The following TTLL11 variants were observed in gnomAD, a reference collection of about 807,000 sequenced individuals.
TTLL11 encodes the protein tubulin tyrosine ligase like 11, also known as tubulin polyglutamylase TTLL11.
In TTLL11, 42 loss-of-function variants were observed where a neutral mutation model predicts 51.7. That is an observed-to-expected ratio of 0.81 (90% CI 0.64 to 1.05). The LOEUF (loss-of-function observed/expected upper bound fraction) is 1.05, where lower values mean the gene tolerates loss of function less well. Ranked by LOEUF, TTLL11 falls within the 50% of genes least tolerant of loss-of-function variation. The pLI is 0.00. For synonymous variants in TTLL11, 381 were observed against 383.5 expected, an observed-to-expected ratio of 0.99 and a Z score of 0.08; for missense variants, 799 against 940.4, an observed-to-expected ratio of 0.85 and a Z score of 1.97.
intron 1 of TTLL11, among the ~76,000 whole-genome samples, chr9:122,051,815 A>T (rs1478035656): frequency 6.6e-6 from 1 of 152,046 alleles, no homozygotes; most frequent in East Asian, 1.9e-4. Flanking sequence ...ACACACACCC[A>T]AACCTAACTT....
At chr9:122,076,252 G>C (rs903275277) in intron 1 of TTLL11, among the ~76,000 whole-genome samples, 8 of 152,142 alleles carry the variant, frequency 5.3e-5, no homozygotes, top group Admixed American at 2.0e-4. Context: ...TCCTCCATAA[G>C]GCAACCAGAG....
At chr9:121,932,462 G>C (rs552984266) in intron 6 of TTLL11, among the ~76,000 whole-genome samples, 2 of 152,292 alleles carry the variant, frequency 1.3e-5, no homozygotes, top group South Asian at 4.1e-4. Flanking sequence ...AGTAGGATGA[G>C]CTTTCACAAA....
intron 8 of TTLL11, among the ~76,000 whole-genome samples, chr9:121,852,049 G>A (rs1238736176): frequency 6.6e-6 from 1 of 152,192 alleles, no homozygotes; most frequent in Non-Finnish European, 1.5e-5. Flanking sequence ...CTGAGACTCG[G>A]GGCTGGCCCC....
intron 4 of TTLL11, among the ~76,000 whole-genome samples, chr9:121,978,351 C>T (rs1010223535): frequency 2.6e-5 from 4 of 152,164 alleles, no homozygotes; most frequent in Non-Finnish European, 5.9e-5. Flanking sequence ...GGTTTTCAAA[C>T]CGGGGTTCTT....
chr9:121,906,110 G>T (rs893215664), intron 6 of TTLL11, among the ~76,000 whole-genome samples: 1 of 152,142 alleles, frequency 6.6e-6, no homozygotes, highest in African/African-American at 2.4e-5. Context: ...GAAGTAATGA[G>T]ATTAGGCAAT....
intron 6 of TTLL11, among the ~76,000 whole-genome samples, chr9:121,951,765 AG>A (rs1841858196): frequency 2.0e-5 from 3 of 152,216 alleles, no homozygotes; most frequent in Non-Finnish European, 4.4e-5. Context: ...GAGTTTATTA[AG>A]AAAGTAGAGG....
intron 3 of TTLL11, among the ~76,000 whole-genome samples, 186 bp downstream of exon 3, chr9:122,031,537 T>C (rs111848426): frequency 2.2e-4 from 33 of 152,306 alleles, no homozygotes; most frequent in African/African-American, 6.0e-4. Flanking sequence ...TTTACCTACC[T>C]GTCACCCTAC....
rs763299252 is a variant in TTLL11 at position 121,989,141 on chromosome 9, C to T, written c.1269+54G>A. On this transcript the variant is annotated intron_variant, in intron 4 of 8. Transcript: ENST00000321582. This position sits in a 1 kb window ranked among gnomAD's most constrained non-coding sequence, Gnocchi z 4.2. Reference sequence around the variant, plus strand: ...CTCATCCTACACGAAGCCAGAGAGCCCTCTTGAGGCCGGTCAAGGCTGGAA... The same window carrying T: ...CTCATCCTACACGAAGCCAGAGAGCTCTCTTGAGGCCGGTCAAGGCTGGAA... 8.8e-6 allele frequency: 14 copies of T among 1,592,582 alleles called. No homozygotes were observed. The highest frequency in any genetic ancestry group is 1.2e-5 in the South Asian group (1 of 86,882).
chr9:122,016,161 C>A (rs1459024599), intron 3 of TTLL11, among the ~76,000 whole-genome samples: 1 of 152,170 alleles, frequency 6.6e-6, no homozygotes, highest in Admixed American at 6.5e-5. Context: ...AGGTGAAAAG[C>A]AGCAGCTTGG....
intron 6 of TTLL11, among the ~76,000 whole-genome samples, chr9:121,915,894 T>C (rs1268002427): frequency 2.0e-5 from 3 of 151,928 alleles, no homozygotes; most frequent in Non-Finnish European, 2.9e-5. Flanking sequence ...GCAGTAGCTA[T>C]CAAAATTTAA....
intron 6 of TTLL11, among the ~76,000 whole-genome samples, chr9:121,938,931 G>C (rs1841340673): frequency 6.6e-6 from 1 of 152,142 alleles, no homozygotes; most frequent in Admixed American, 6.5e-5. Flanking sequence ...TATTTACAAG[G>C]CACTGTTCTA....
chr9:121,999,502 T>C (rs72765964), intron 3 of TTLL11, among the ~76,000 whole-genome samples: 11,713 of 152,162 alleles, frequency 0.077, 805 homozygotes, highest in African/African-American at 0.19. Flanking sequence ...CACCCAGTCA[T>C]CAAATTGACA....
chr9:121,991,671 C>T (rs898136911), intron 3 of TTLL11, among the ~76,000 whole-genome samples: 1 of 152,208 alleles, frequency 6.6e-6, no homozygotes, highest in Non-Finnish European at 1.5e-5. Flanking sequence ...CATGTATATG[C>T]CTTAAATAAA....
intron 6 of TTLL11, among the ~76,000 whole-genome samples, chr9:121,961,254 C>T (rs1842209416): frequency 6.6e-6 from 1 of 152,172 alleles, no homozygotes; most frequent in Non-Finnish European, 1.5e-5. Context: ...AAAAGAAACC[C>T]TTTCAGCTTA....
chr9:121,908,752 G>A (rs538605200), intron 6 of TTLL11, among the ~76,000 whole-genome samples: 13 of 152,172 alleles, frequency 8.5e-5, no homozygotes, highest in Admixed American at 2.0e-4. Flanking sequence ...GCTTGTAGAT[G>A]GCTGTCTTCT....
At chr9:122,038,813 G>A (rs1450607685) in intron 2 of TTLL11, among the ~76,000 whole-genome samples, 2 of 152,120 alleles carry the variant, frequency 1.3e-5, no homozygotes, top group Non-Finnish European at 2.9e-5. Context: ...AAAAGGCAGA[G>A]GCTGTGTGCA....
chr9:121,984,339 T>C (rs1283743216), intron 4 of TTLL11, among the ~76,000 whole-genome samples: 2 of 152,214 alleles, frequency 1.3e-5, no homozygotes, highest in South Asian at 2.1e-4. Flanking sequence ...TAACAAACAA[T>C]GGAATAAACA....
intron 6 of TTLL11, among the ~76,000 whole-genome samples, chr9:121,946,302 G>A (rs1393473960): frequency 6.6e-6 from 1 of 152,162 alleles, no homozygotes; most frequent in African/African-American, 2.4e-5. Context: ...GAATGAGATA[G>A]GGAGAGAATG....
intron 6 of TTLL11, among the ~76,000 whole-genome samples, chr9:121,933,431 G>A (rs1362404658): frequency 1.3e-5 from 2 of 152,100 alleles, no homozygotes; most frequent in South Asian, 2.1e-4. Flanking sequence ...ATGGAAAGAC[G>A]GTAGTTTGAG....
Sources: allele counts gnomAD v4.1 joint callset (sites outside exome capture counted in the v4.1 genomes callset), GRCh38; gene constraint gnomAD v4.1.1; non-coding constraint Gnocchi (gnomAD v3.1); transcripts MANE v1.5; gene names NCBI Gene and HGNC (gene_info 2026-07-23, HGNC 2026-07-21).